Variants in C16orf78 observed in about 807,000 individuals in gnomAD.
C16orf78 encodes the protein chromosome 16 open reading frame 78.
A neutral mutation model predicts 27.3 loss-of-function variants in C16orf78; 19 were observed. That is an observed-to-expected ratio of 0.70 (90% confidence interval 0.49 to 1.02). The LOEUF is 1.02. C16orf78 is among the 50% of genes least tolerant of loss of function. The probability of loss-of-function intolerance (pLI) is 0.00; values close to 1 mark genes in which losing one functional copy is unlikely to be tolerated. For missense variants in C16orf78, 339 were observed against 337.0 expected, an observed-to-expected ratio of 1.01 and a Z score of -0.05; for synonymous variants, 130 against 116.1, an observed-to-expected ratio of 1.12 and a Z score of -0.77.
intron 3 of C16orf78, among the ~76,000 whole-genome samples, chr16:49,393,575 A>T (rs947702050): frequency 1.3e-5 from 2 of 152,166 alleles, no homozygotes; most frequent in African/African-American, 4.8e-5. Context: ...ACCAAAACCT[A>T]TGAGACATAG....
intron 3 of C16orf78, among the ~76,000 whole-genome samples, chr16:49,390,702 G>A (rs913362488): frequency 2.6e-5 from 4 of 152,118 alleles, no homozygotes; most frequent in Non-Finnish European, 5.9e-5. Flanking sequence ...TCCGGCTTGT[G>A]CCGATTAGTC....
chr16:49,398,936 A>G (rs1428567464), intron 4 of C16orf78, among the ~76,000 whole-genome samples, 195 bp from the exon 5 acceptor site: 3 of 152,174 alleles, frequency 2.0e-5, no homozygotes, highest in African/African-American at 7.2e-5. Flanking sequence ...AGTTACACAA[A>G]CGCAAACTCC....
chr16:49,383,254 G>C lies in C16orf78; in HGVS notation c.394+4661G>C, dbSNP rs569132375. On this transcript the variant is annotated intron_variant, in intron 3 of 4. Coordinates refer to ENST00000299191, the MANE Select transcript of C16orf78 (RefSeq NM_144602.4). ...GGGCTGAGCCTGGGCACAGTAAGGA[G>C]AGCCTCTCATGTAGACTGGCAAGAG... 2.6e-5 allele frequency among the ~76,000 whole-genome samples: 4 copies of C among 152,362 alleles called. No homozygotes were observed. The South Asian group carries it at 6.2e-4, about 24-fold the overall frequency.
chr16:49,377,897 T>G, intron 2 of C16orf78, 47 bp downstream of exon 2: 2 of 1,546,476 alleles, frequency 1.3e-6, no homozygotes, highest in Non-Finnish European at 1.7e-6. Flanking sequence ...GGTCTCCAAA[T>G]GGAGGAGGGG....
chr16:49,396,279 G>T (rs1241928564), intron 3 of C16orf78, 144 bp from the exon 4 acceptor site: 1 of 902,460 alleles, frequency 1.1e-6, no homozygotes, highest in African/African-American at 1.7e-5. Context: ...TAGAGAACCT[G>T]TGGAAGCCAC....
rs781542429 is a variant in C16orf78, at chr16:49,373,986, G to A, written c.47G>A (p.Arg16Lys). 1 of 1,614,168 alleles carries A rather than the reference G, an allele frequency of 6.2e-7. No individual in the cohort carries two copies. Among genetic ancestry groups the A allele is most frequent in the South Asian group, 1.1e-5 (1 of 91,074 alleles). The stretch of plus-strand genomic sequence containing the variant: ...CTGAAGGATTTAATGCCCACAAAGA[G>A]GAAATACATGTGGAAGACTGCTGAA... ...MDLKDLMPTKRKYMWKTAEDR... is the reference protein window; with the variant it reads ...MDLKDLMPTKKKYMWKTAEDR... Residue 16 changes from arginine (R) to lysine (K), a missense_variant, in exon 1 of 5, where the codon AGG (arginine) becomes AAG (lysine). Arg to Lys is a conservative substitution (Grantham distance 26). Transcript: ENST00000299191.
At chr16:49,397,798 C>T in intron 4 of C16orf78, among the ~76,000 whole-genome samples, 1 of 152,226 alleles carries the variant, frequency 6.6e-6, no homozygotes, top group East Asian at 1.9e-4. Flanking sequence ...GACAGCCTCT[C>T]TCTGTCGCCC....
chr16:49,377,838 G>A lies in C16orf78; in HGVS notation c.258G>A (p.Glu86=). The A allele has an allele frequency of 1.3e-6, 2 of 1,576,526 alleles. No homozygotes were observed. The highest frequency in any genetic ancestry group is 1.8e-4 in the Middle Eastern group (1 of 5,568). ...GGGGAGGGAACCGCAGGGACACGGA[G>A]ACTTCCCAGCAGGTAATGCAGCCCC... ...TARGGNRRDT[E]TSQQALGKRF... The change falls in exon 2 of 5, where the codon GAG becomes GAA. Residue 86 remains glutamate, a synonymous_variant. Coordinates refer to ENST00000299191, the MANE Select transcript of C16orf78 (RefSeq NM_144602.4).
Position 49,399,394 on chromosome 16 carries a change from A to G in C16orf78, c.*116A>G, listed in dbSNP as rs1196683745. The G allele has an allele frequency of 1.6e-6, 2 of 1,266,334 alleles. No homozygotes were observed. Among genetic ancestry groups the G allele is most frequent in the African/African-American group, 1.5e-5 (1 of 67,064 alleles). The allele number at this position is 1,266,334 out of a possible 1,614,324, so 78.4% of individuals were successfully genotyped here. A position where few individuals can be genotyped will look rare whatever the true frequency, so the allele number is the denominator to read the frequency against. On this transcript the variant is annotated 3_prime_UTR_variant, in exon 5 of 5. Coordinates refer to ENST00000299191, the MANE Select transcript of C16orf78 (RefSeq NM_144602.4). Reference sequence around the variant, plus strand: ...TCCAACTTAGTGCATCCCTTTAGAAAGTAAGCAATCAGAAAACAAGCCTCG... The same window carrying G: ...TCCAACTTAGTGCATCCCTTTAGAAGGTAAGCAATCAGAAAACAAGCCTCG...
At chr16:49,384,853 C>T (rs1190923495) in intron 3 of C16orf78, among the ~76,000 whole-genome samples, 3 of 152,174 alleles carry the variant, frequency 2.0e-5, no homozygotes, top group African/African-American at 7.2e-5. Flanking sequence ...GTAGACTTCT[C>T]AGCAGAAACC....
chr16:49,379,000 C>T (rs1057125882), intron 3 of C16orf78, among the ~76,000 whole-genome samples: 4 of 152,156 alleles, frequency 2.6e-5, no homozygotes, highest in African/African-American at 9.7e-5. Flanking sequence ...AGGGGTTGCT[C>T]ACCTCTAGGA....
chr16:49,382,092 T>G (rs1388423936), intron 3 of C16orf78, among the ~76,000 whole-genome samples: 1 of 152,104 alleles, frequency 6.6e-6, no homozygotes, highest in African/African-American at 2.4e-5. Flanking sequence ...CCATAAAAAA[T>G]GATGAGTTCA....
At chr16:49,388,544 C>T (rs986438690) in intron 3 of C16orf78, among the ~76,000 whole-genome samples, 2 of 152,150 alleles carry the variant, frequency 1.3e-5, no homozygotes, top group Non-Finnish European at 2.9e-5. Context: ...CAAGGTCTCA[C>T]TTTGTTATCC....
At chr16:49,379,055 C>T (rs1965256625) in intron 3 of C16orf78, among the ~76,000 whole-genome samples, 1 of 152,100 alleles carries the variant, frequency 6.6e-6, no homozygotes, top group African/African-American at 2.4e-5. Context: ...TCAAAGACTG[C>T]CTGGGTCCTG....
chr16:49,390,114 G>A lies in C16orf78; in HGVS notation c.395-6309G>A, dbSNP rs1360277308. ...CTAGCTTGTTTGCAATGGGAAGCTGGCTCTCTTCCTAATTTTTGTTCCTCT... is the reference window on the plus strand; with the variant it reads ...CTAGCTTGTTTGCAATGGGAAGCTGACTCTCTTCCTAATTTTTGTTCCTCT... On this transcript the variant is annotated intron_variant, in intron 3 of 4. Transcript: ENST00000299191. 1.3e-5 allele frequency among the ~76,000 whole-genome samples: 2 copies of A among 152,104 alleles called. 1 individual carries two copies. Among genetic ancestry groups the A allele is most frequent in the East Asian group, 3.9e-4 (2 of 5,190 alleles).
intron 3 of C16orf78, among the ~76,000 whole-genome samples, chr16:49,393,289 T>C (rs560697465): frequency 1.4e-4 from 22 of 152,222 alleles, no homozygotes; most frequent in South Asian, 4.1e-4. Flanking sequence ...AGGAAATACA[T>C]AGAAGAATGT....
intron 3 of C16orf78, among the ~76,000 whole-genome samples, chr16:49,392,103 G>A (rs754187861): frequency 7.2e-5 from 11 of 152,100 alleles, no homozygotes; most frequent in Non-Finnish European, 1.5e-4. Flanking sequence ...TTTCCACTAG[G>A]AATATCCTGA....
Position 49,374,004 on chromosome 16 carries a change from C to T in C16orf78, c.65C>T (p.Thr22Ile). The T allele has an allele frequency of 1.2e-6, 2 of 1,614,168 alleles. No homozygotes were observed. The highest frequency in any genetic ancestry group is 1.7e-6 in the Non-Finnish European group (2 of 1,180,032). ...ACAAAGAGGAAATACATGTGGAAGACTGCTGAAGATAGGCGCATGTCTGAC... is the reference window on the plus strand; with the variant it reads ...ACAAAGAGGAAATACATGTGGAAGATTGCTGAAGATAGGCGCATGTCTGAC... Reference protein sequence around the residue: ...MPTKRKYMWKTAEDRRMSDLT... With the variant: ...MPTKRKYMWKIAEDRRMSDLT... The change falls in exon 1 of 5, where the codon ACT (threonine) becomes ATT (isoleucine). Residue 22 changes from threonine to isoleucine, a missense_variant. Coordinates refer to ENST00000299191, the MANE Select transcript of C16orf78 (RefSeq NM_144602.4).
intron 2 of C16orf78, 152 bp from the exon 3 acceptor site, chr16:49,378,318 C>T (rs1192991272): frequency 2.1e-5 from 25 of 1,173,372 alleles, no homozygotes; most frequent in Middle Eastern, 2.9e-4. Context: ...CCTGCCCCTC[C>T]GACCTCTCCC....
Sources: allele counts gnomAD v4.1 joint callset (sites outside exome capture counted in the v4.1 genomes callset), GRCh38; gene constraint gnomAD v4.1.1; transcripts MANE v1.5; gene names NCBI Gene and HGNC (gene_info 2026-07-23, HGNC 2026-07-21).